The following CHST9 variants were observed in gnomAD, a reference collection of about 807,000 sequenced individuals.
CHST9 encodes the protein carbohydrate sulfotransferase 9.
CHST9 carries 41 observed loss-of-function variants against 44.4 expected under a neutral mutation model. The ratio of observed to expected loss-of-function variants is 0.92; its 90% CI spans 0.72 to 1.20. The LOEUF is 1.20. Among genes scored for constraint, CHST9 ranks in the 50% most tolerant of loss-of-function variants. CHST9 has a pLI of 0.00. For synonymous variants in CHST9, 171 were observed against 178.4 expected (o/e 0.96, Z 0.33); for missense variants, 504 against 516.5 (o/e 0.98, Z 0.23).
At chr18:26,955,568 T>TGAGAGCCCAGGCACTGGAG (rs2056311141) in intron 4 of CHST9, among the ~76,000 whole-genome samples, 1 of 152,088 alleles carries the variant, frequency 6.6e-6, no homozygotes, top group African/African-American at 2.4e-5. Flanking sequence ...AGGCTGAAAT[T>TGAGAGCCCAGGCACTGGAG]GAGAGCCCAG....
chr18:27,120,985 G>GT (rs2143808472), intron 2 of CHST9, among the ~76,000 whole-genome samples: 1 of 152,060 alleles, frequency 6.6e-6, no homozygotes, highest in East Asian at 1.9e-4. Context: ...ATCAGCTACA[G>GT]TTTTTTTGTT....
chr18:27,007,011 G>C (rs1221095518), intron 4 of CHST9, among the ~76,000 whole-genome samples: 1 of 152,104 alleles, frequency 6.6e-6, no homozygotes, highest in Non-Finnish European at 1.5e-5. Context: ...ATGCGTGTGT[G>C]GGCATTCCGT....
intron 4 of CHST9, among the ~76,000 whole-genome samples, chr18:26,963,803 A>G (rs1437897117): frequency 1.3e-5 from 2 of 152,178 alleles, no homozygotes; most frequent in Non-Finnish European, 2.9e-5. Context: ...TAAAATGGAG[A>G]TTATCAGAGA....
At chr18:27,117,369 C>T (rs1329481939) in intron 2 of CHST9, among the ~76,000 whole-genome samples, 3 of 152,100 alleles carry the variant, frequency 2.0e-5, no homozygotes, top group Non-Finnish European at 4.4e-5. Context: ...TCCCTCATTA[C>T]AGTGGAACAC....
intron 2 of CHST9, among the ~76,000 whole-genome samples, chr18:27,096,521 T>A (rs184397210): frequency 3.9e-5 from 6 of 152,060 alleles, no homozygotes; most frequent in Non-Finnish European, 8.8e-5. Flanking sequence ...TAAGCAAGAT[T>A]GGTAGATTGC....
At chr18:27,022,022 C>T (rs2057232606) in intron 4 of CHST9, among the ~76,000 whole-genome samples, 1 of 152,128 alleles carries the variant, frequency 6.6e-6, no homozygotes. Context: ...GTGAGGTCAC[C>T]CAGCATGTGT....
At chr18:27,087,579 T>A (rs566155587) in intron 2 of CHST9, among the ~76,000 whole-genome samples, 22 of 152,174 alleles carry the variant, frequency 1.4e-4, no homozygotes, top group Non-Finnish European at 3.1e-4. Flanking sequence ...GTTTTGCAAA[T>A]TTGTAACAAT....
intron 2 of CHST9, among the ~76,000 whole-genome samples, chr18:27,088,879 A>G (rs1188906621): frequency 6.6e-6 from 1 of 152,192 alleles, no homozygotes; most frequent in African/African-American, 2.4e-5. Flanking sequence ...GAATCCTCCT[A>G]CAGAATGCCC....
chr18:26,980,091 A>G (rs1453245394), intron 4 of CHST9, among the ~76,000 whole-genome samples: 2 of 151,944 alleles, frequency 1.3e-5, no homozygotes, highest in African/African-American at 4.8e-5. Flanking sequence ...CAGGATGGAT[A>G]CTCTTTCCTC....
chr18:27,135,332 C>T (rs1281212189), intron 2 of CHST9, among the ~76,000 whole-genome samples: 1 of 152,166 alleles, frequency 6.6e-6, no homozygotes, highest in East Asian at 1.9e-4. Context: ...CTGATCCATA[C>T]TGCAGTAATA....
intron 2 of CHST9, among the ~76,000 whole-genome samples, chr18:27,121,113 C>T (rs2058370625): frequency 6.6e-6 from 1 of 152,168 alleles, no homozygotes; most frequent in Non-Finnish European, 1.5e-5. Flanking sequence ...AGTGATTCTC[C>T]CGCCTCAGGC....
intron 4 of CHST9, among the ~76,000 whole-genome samples, chr18:27,013,353 G>A (rs1384549945): frequency 6.6e-6 from 1 of 152,130 alleles, no homozygotes; most frequent in Non-Finnish European, 1.5e-5. Flanking sequence ...GAATTATTAT[G>A]TTATTTACCT....
At chr18:26,937,700 T>C (rs1201188453) in intron 5 of CHST9, among the ~76,000 whole-genome samples, 1 of 152,180 alleles carries the variant, frequency 6.6e-6, no homozygotes, top group Non-Finnish European at 1.5e-5. Flanking sequence ...CTAAGATGAA[T>C]CTTTTGATTT....
At chr18:27,158,436 A>T (rs1299113783) in intron 1 of CHST9, among the ~76,000 whole-genome samples, 1 of 151,498 alleles carries the variant, frequency 6.6e-6, no homozygotes, top group Non-Finnish European at 1.5e-5. Flanking sequence ...ACATGAACTC[A>T]TCATTTTTTA....
At position 26,916,465 on chromosome 18, in the gene CHST9, C is replaced by T. The variant is rs770534738; in HGVS notation, c.1126G>A (p.Asp376Asn). 2.0e-5 allele frequency: 33 copies of T among 1,613,612 alleles called. No homozygotes were observed. Among genetic ancestry groups the T allele is most frequent in the Non-Finnish European group, 2.8e-5 (33 of 1,179,734 alleles). The change falls in exon 6 of 6, where the codon GAT (aspartate) becomes AAT (asparagine). Residue 376 changes from aspartate to asparagine, a missense_variant. By Grantham distance (23) the Asp-to-Asn change is conservative. Transcript: ENST00000618847. ...FVGKFETLEE[D>N]ANYFLQMIGA... ...ATCATCTGTAAAAAGTAATTGGCATCTTCTTCCAAAGTCTCAAATTTCCCT... is the reference window on the plus strand; with the variant it reads ...ATCATCTGTAAAAAGTAATTGGCATTTTCTTCCAAAGTCTCAAATTTCCCT...
chr18:26,931,204 C>G (rs1348327218), intron 5 of CHST9, among the ~76,000 whole-genome samples: 1 of 152,172 alleles, frequency 6.6e-6, no homozygotes, highest in Non-Finnish European at 1.5e-5. Flanking sequence ...TGTATCATTA[C>G]CCCCTTCCCT....
chr18:26,948,484 TG>T (rs1290928593), intron 4 of CHST9, among the ~76,000 whole-genome samples: 1 of 152,154 alleles, frequency 6.6e-6, no homozygotes, highest in African/African-American at 2.4e-5. Flanking sequence ...GTGTCAGGGG[TG>T]GCAGCAGCAC....
At chr18:27,026,205 G>A (rs2057283442) in intron 3 of CHST9, among the ~76,000 whole-genome samples, 1 of 152,122 alleles carries the variant, frequency 6.6e-6, no homozygotes, top group Non-Finnish European at 1.5e-5. Context: ...GCATTACAAT[G>A]AGAGTACACT....
At chr18:27,015,197 CT>C (rs753536537) in intron 4 of CHST9, among the ~76,000 whole-genome samples, 20 of 152,208 alleles carry the variant, frequency 1.3e-4, no homozygotes, top group Non-Finnish European at 2.5e-4. Context: ...TCTGGCTGTG[CT>C]GCAAGCTCAA....
Sources: gnomAD v4.1 joint callset for allele counts (sites outside exome capture counted in the v4.1 genomes callset) on GRCh38, gnomAD v4.1.1 for gene constraint, MANE v1.5 for transcripts, NCBI Gene and HGNC (gene_info 2026-07-23, HGNC 2026-07-21) for gene names.